MSRA: variants seen among roughly 807,000 people sequenced by gnomAD.
MSRA encodes the protein methionine sulfoxide reductase A.
Under a neutral mutation model 31.3 loss-of-function variants are expected in MSRA, and 54 were observed. That is an observed-to-expected ratio of 1.73 (90% CI 1.39 to 2.17). The LOEUF (loss-of-function observed/expected upper bound fraction) is 2.17. Among genes scored for constraint, MSRA ranks in the 30% most tolerant of loss-of-function variants. The probability of loss-of-function intolerance (pLI) is 0.00; values close to 1 mark genes in which losing one functional copy is unlikely to be tolerated. For missense variants in MSRA, 507 were observed against 300.9 expected (o/e 1.69, Z -5.07); for synonymous variants, 169 against 116.5 (o/e 1.45, Z -2.90).
chr8:10,178,710 C>G (rs933218752), intron 1 of MSRA, among the ~76,000 whole-genome samples: 1 of 152,064 alleles, frequency 6.6e-6, no homozygotes, highest in Admixed American at 6.5e-5. Context: ...CAAAGTAACC[C>G]AGGTTCATAA....
intron 2 of MSRA, among the ~76,000 whole-genome samples, chr8:10,215,009 C>A (rs1384337148): frequency 6.6e-6 from 1 of 152,108 alleles, no homozygotes; most frequent in African/African-American, 2.4e-5. Context: ...CAGAAAAGAA[C>A]AAATTATGGA....
In MSRA at chr8:10,319,367, T is replaced by C. The variant is rs562410907; in HGVS notation, c.437-516T>C. ...CTGGCAGAAAATGCTCTTTGCTGAC[T>C]TTAAGTTGCAGGCTAGATGGGTAGG... On this transcript the variant is annotated intron_variant, in intron 4 of 5. Transcript: ENST00000317173. 3.3e-5 allele frequency among the ~76,000 whole-genome samples: 5 copies of C among 152,252 alleles called. No individual in the cohort carries two copies. The East Asian group carries it at 5.8e-4, about 18-fold the overall frequency.
chr8:10,143,408 G>T (rs1263013953), intron 1 of MSRA, among the ~76,000 whole-genome samples: 1 of 152,130 alleles, frequency 6.6e-6, no homozygotes, highest in Non-Finnish European at 1.5e-5. Flanking sequence ...ATCCCAGTTT[G>T]TTGTATAATT....
intron 1 of MSRA, among the ~76,000 whole-genome samples, chr8:10,060,890 A>G (rs780837567): frequency 6.6e-6 from 1 of 152,208 alleles, no homozygotes; most frequent in African/African-American, 2.4e-5. Context: ...TGTAGAAGGC[A>G]TTATGTGTAT....
intron 1 of MSRA, among the ~76,000 whole-genome samples, chr8:10,128,651 G>C (rs1197120989): frequency 6.6e-6 from 1 of 152,220 alleles, no homozygotes; most frequent in Non-Finnish European, 1.5e-5. Context: ...TGAGGGTGAT[G>C]CTGCCCATGT....
chr8:10,395,359 T>C (rs1300619274), intron 5 of MSRA, among the ~76,000 whole-genome samples: 1 of 152,116 alleles, frequency 6.6e-6, no homozygotes. Context: ...TGAACCGCCA[T>C]GTTCACTAAG....
intron 1 of MSRA, among the ~76,000 whole-genome samples, chr8:10,086,631 A>C (rs1230434343): frequency 6.6e-6 from 1 of 152,126 alleles, no homozygotes; most frequent in Non-Finnish European, 1.5e-5. Flanking sequence ...AAGAGTGCAA[A>C]GTGTTTCTTA....
chr8:10,343,221 G>T (rs940303579), intron 5 of MSRA, among the ~76,000 whole-genome samples: 2 of 152,118 alleles, frequency 1.3e-5, no homozygotes, highest in East Asian at 1.9e-4. Flanking sequence ...CAGCAGCATC[G>T]CAGGGGAAAG....
intron 5 of MSRA, among the ~76,000 whole-genome samples, chr8:10,343,280 C>T (rs1803558764): frequency 6.6e-6 from 1 of 152,200 alleles, no homozygotes; most frequent in East Asian, 1.9e-4. Flanking sequence ...GCCTTCACAA[C>T]AGACTGAAGG....
chr8:10,213,424 C>T (rs1182682593), intron 2 of MSRA, among the ~76,000 whole-genome samples: 1 of 147,908 alleles, frequency 6.8e-6, no homozygotes, highest in African/African-American at 2.5e-5. Flanking sequence ...GTACATGTAC[C>T]ACACTTTCTT....
At chr8:10,263,409 A>G (rs183816051) in intron 3 of MSRA, among the ~76,000 whole-genome samples, 2 of 152,272 alleles carry the variant, frequency 1.3e-5, no homozygotes, top group Non-Finnish European at 2.9e-5. Context: ...CCATGATAGG[A>G]AAAAAGACTA....
intron 1 of MSRA, among the ~76,000 whole-genome samples, chr8:10,145,048 A>G (rs1305799321): frequency 6.6e-6 from 1 of 152,112 alleles, no homozygotes; most frequent in Non-Finnish European, 1.5e-5. Context: ...TGTCAGGCTT[A>G]TGTCAAGGAT....
At chr8:10,105,326 C>G (rs941598213) in intron 1 of MSRA, among the ~76,000 whole-genome samples, 25 of 152,192 alleles carry the variant, frequency 1.6e-4, no homozygotes, top group African/African-American at 5.5e-4. Flanking sequence ...TCCATGCTTT[C>G]CGATGAGGCA....
chr8:10,104,977 A>T (rs1418245865), intron 1 of MSRA, among the ~76,000 whole-genome samples: 2 of 152,158 alleles, frequency 1.3e-5, no homozygotes, highest in African/African-American at 4.8e-5. Context: ...ATTCTTGTCA[A>T]TCTCATGGGC....
In MSRA at chr8:10,191,391, TG is replaced by T. The variant is rs542839182; in HGVS notation, c.143-16440del. Among the ~76,000 whole-genome samples, 6 of 152,304 alleles carry T rather than the reference TG, an allele frequency of 3.9e-5. No homozygotes were observed. The South Asian group carries it at 1.0e-3, about 26-fold the overall frequency. On this transcript the variant is annotated intron_variant, in intron 1 of 5. Coordinates refer to ENST00000317173, the MANE Select transcript of MSRA (RefSeq NM_012331.5). ...TTAAATTTAGCCTCCCTGGGAATTT[TG>T]GAAAAACATTTTTCTTCATTGTTTT... is the stretch of plus-strand genomic sequence containing the variant.
intron 5 of MSRA, among the ~76,000 whole-genome samples, chr8:10,370,392 C>T (rs943204253): frequency 6.6e-6 from 1 of 152,180 alleles, no homozygotes; most frequent in Non-Finnish European, 1.5e-5. Context: ...GCATAGCATA[C>T]GGGCGGCCAG....
intron 4 of MSRA, among the ~76,000 whole-genome samples, chr8:10,307,743 C>G (rs974447433): frequency 6.6e-6 from 1 of 152,156 alleles, no homozygotes. Context: ...GGAAACTGCT[C>G]CGGTATACTC....
chr8:10,398,383 C>T (rs1807234705), intron 5 of MSRA, among the ~76,000 whole-genome samples: 1 of 152,206 alleles, frequency 6.6e-6, no homozygotes, highest in East Asian at 1.9e-4. Context: ...CTCCTCTGGT[C>T]CCTTGCCGAG....
At chr8:10,415,744 C>G (rs1459556017) in intron 5 of MSRA, among the ~76,000 whole-genome samples, 1 of 151,854 alleles carries the variant, frequency 6.6e-6, no homozygotes, top group Non-Finnish European at 1.5e-5. Flanking sequence ...CTCAGATACA[C>G]CTCATTACCC....
Sources: allele counts gnomAD v4.1 joint callset (sites outside exome capture counted in the v4.1 genomes callset), GRCh38; gene constraint gnomAD v4.1.1; transcripts MANE v1.5; gene names NCBI Gene and HGNC (gene_info 2026-07-23, HGNC 2026-07-21).